FAM120A: variants seen among roughly 807,000 people sequenced by gnomAD.
FAM120A encodes constitutive coactivator of PPAR-gamma-like protein 1.
FAM120A carries 15 observed loss-of-function variants against 109.7 expected under a neutral mutation model. That is an observed-to-expected ratio of 0.14 (90% CI 0.09 to 0.21). FAM120A has a LOEUF of 0.21. Among genes scored for constraint, FAM120A ranks in the 10% least tolerant of loss-of-function variants. The pLI, the probability that FAM120A is intolerant of heterozygous loss-of-function variation, is 1.00. For synonymous variants in FAM120A, 493 were observed against 572.8 expected, an observed-to-expected ratio of 0.86 and a Z score of 1.99; for missense variants, 899 against 1,439.3, an observed-to-expected ratio of 0.62 and a Z score of 6.07.
At chr9:93,554,623 AG>A (rs1357876378) in intron 12 of FAM120A, among the ~76,000 whole-genome samples, 1 of 152,188 alleles carries the variant, frequency 6.6e-6, no homozygotes, top group Non-Finnish European at 1.5e-5. Context: ...CAGTGAGCCA[AG>A]ATTGCACCAT....
intron 10 of FAM120A, among the ~76,000 whole-genome samples, chr9:93,539,148 C>T (rs1024939439): frequency 6.6e-5 from 10 of 152,130 alleles, no homozygotes; most frequent in African/African-American, 2.4e-4. Context: ...CAGGCACCTG[C>T]CACCATGCCT....
intron 1 of FAM120A, chr9:93,453,163 G>T (rs936468654): frequency 1.6e-5 from 16 of 1,001,960 alleles, no homozygotes; most frequent in Non-Finnish European, 1.8e-5. Flanking sequence ...AAATCAGGGG[G>T]CGAACTACGC....
intron 13 of FAM120A, 116 bp from the exon 14 acceptor site, chr9:93,557,711 C>A: frequency 9.7e-7 from 1 of 1,030,736 alleles, no homozygotes; most frequent in Non-Finnish European, 1.4e-6. Context: ...ACATAGAATT[C>A]ATGAATAAAG....
intron 1 of FAM120A, among the ~76,000 whole-genome samples, chr9:93,457,284 G>A (rs915674224): frequency 3.3e-5 from 5 of 152,048 alleles, no homozygotes; most frequent in Non-Finnish European, 7.4e-5. Flanking sequence ...GGGTCATATG[G>A]TAATTCTGTT....
intron 5 of FAM120A, among the ~76,000 whole-genome samples, chr9:93,513,232 C>T (rs1015437959): frequency 1.5e-4 from 23 of 152,178 alleles, no homozygotes; most frequent in African/African-American, 4.1e-4. Context: ...AAAATAATAG[C>T]GACTTTGATC....
intron 10 of FAM120A, among the ~76,000 whole-genome samples, chr9:93,534,624 CTCTTCTCCTTCTTTTTA>C (rs1861448061): frequency 6.6e-6 from 1 of 152,120 alleles, no homozygotes; most frequent in African/African-American, 2.4e-5. Context: ...CCCTCCTCTC[CTCTTCTCCTTCTTTTTA>C]AGGATGGGAG....
At chr9:93,475,927 TGAATC>T (rs1379084592) in intron 2 of FAM120A, among the ~76,000 whole-genome samples, 7 of 152,260 alleles carry the variant, frequency 4.6e-5, no homozygotes, top group Admixed American at 4.6e-4. Flanking sequence ...AATGAAAACT[TGAATC>T]TAATTGGTAT....
chr9:93,554,120 TACACACACACACACACACAC>T (rs10672125), intron 12 of FAM120A, among the ~76,000 whole-genome samples: 996 of 87,458 alleles, frequency 0.011, 23 homozygotes, highest in African/African-American at 0.034. Flanking sequence ...GGCCATTTGA[TACACACACACACACACACAC>T]ACACACACAC....
At position 93,497,550 on chromosome 9, in the gene FAM120A, A is replaced by G. The variant is rs376215146; in HGVS notation, c.884A>G (p.Asp295Gly). Reference sequence around the variant, plus strand: ...GCTGACTATGTACGCAACATTCAGGACACCTCTGACTTGGATGCCATAGCT... The same window carrying G: ...GCTGACTATGTACGCAACATTCAGGGCACCTCTGACTTGGATGCCATAGCT... Reference protein sequence around the residue: ...AVADYVRNIQDTSDLDAIAKD... With the variant: ...AVADYVRNIQGTSDLDAIAKD... Residue 295 changes from aspartate (D) to glycine (G), a missense_variant, in exon 4 of 18, where the codon GAC becomes GGC. By Grantham distance (94) the Asp-to-Gly change is moderately conservative (BLOSUM62 -1). Coordinates refer to ENST00000277165, the MANE Select transcript of FAM120A (RefSeq NM_014612.5). 5.6e-5 allele frequency: 91 copies of G among 1,613,178 alleles called. No homozygotes were observed. Among genetic ancestry groups the G allele is most frequent in the Non-Finnish European group, 7.0e-5 (83 of 1,179,694 alleles).
chr9:93,523,313 G>A, intron 7 of FAM120A: 1 of 1,289,166 alleles, frequency 7.8e-7, no homozygotes, highest in Non-Finnish European at 1.0e-6. Context: ...AAAACTTTGT[G>A]TTTCACAAAG....
At position 93,565,572 on chromosome 9, in the gene FAM120A, C is replaced by T. The variant is rs933885819; in HGVS notation, c.*1032C>T. The T allele has an allele frequency of 2.0e-5, 3 of 152,204 alleles. No individual in the cohort carries two copies. The highest frequency in any genetic ancestry group is 7.3e-5 in the African/African-American group (3 of 41,358). 9.4% of individuals were successfully genotyped at this position (152,204 alleles called of 1,614,324 possible). ...CTAAAGCCCCCCAAAAATTATCTAG[C>T]CGTTTCGAATATCAACATTACCCTG... On this transcript the variant is annotated 3_prime_UTR_variant, in exon 18 of 18. Coordinates refer to ENST00000277165, the MANE Select transcript of FAM120A (RefSeq NM_014612.5).
At chr9:93,519,265 G>A (rs1001888181) in intron 7 of FAM120A, among the ~76,000 whole-genome samples, 13 of 152,082 alleles carry the variant, frequency 8.5e-5, no homozygotes, top group Non-Finnish European at 1.5e-4. Flanking sequence ...TTTTGAGATG[G>A]AATTTTACTC....
intron 3 of FAM120A, among the ~76,000 whole-genome samples, chr9:93,491,551 A>G (rs1025770088): frequency 2.0e-5 from 3 of 152,242 alleles, no homozygotes; most frequent in African/African-American, 7.2e-5. Flanking sequence ...CCACCCAAAC[A>G]GTATCTATTT....
At chr9:93,559,431 G>A (rs1862400266) in intron 15 of FAM120A, among the ~76,000 whole-genome samples, 1 of 152,228 alleles carries the variant, frequency 6.6e-6, no homozygotes, top group South Asian at 2.1e-4. Context: ...GGATGGGCAA[G>A]CCTTTCTCTC....
intron 16 of FAM120A, among the ~76,000 whole-genome samples, chr9:93,561,481 A>C (rs1481941032): frequency 1.3e-5 from 2 of 152,042 alleles, no homozygotes; most frequent in Non-Finnish European, 2.9e-5. Flanking sequence ...TGTAGCCTTG[A>C]CTTTCTGGGC....
intron 1 of FAM120A, chr9:93,453,386 GT>G (rs746858442): frequency 6.2e-4 from 612 of 985,334 alleles, no homozygotes; most frequent in Non-Finnish European, 7.0e-4. Flanking sequence ...TGGACTTCAC[GT>G]TCTGATTGCT....
chr9:93,487,528 T>G (rs900635258), intron 3 of FAM120A, among the ~76,000 whole-genome samples: 2 of 152,212 alleles, frequency 1.3e-5, no homozygotes, highest in Non-Finnish European at 2.9e-5. Flanking sequence ...TCTAAAAATA[T>G]ACTATTAATC....
chr9:93,493,916 C>G (rs754935098), intron 3 of FAM120A, among the ~76,000 whole-genome samples: 3 of 152,232 alleles, frequency 2.0e-5, no homozygotes, highest in Admixed American at 2.0e-4. Flanking sequence ...AGCCATCCAG[C>G]CTTCCTGGGC....
chr9:93,509,191 C>G (rs761422927), intron 5 of FAM120A, among the ~76,000 whole-genome samples: 11 of 152,234 alleles, frequency 7.2e-5, no homozygotes, highest in Non-Finnish European at 1.6e-4. Context: ...ACATGGTGGC[C>G]CACACTGCCC....
Sources: gnomAD v4.1 joint callset for allele counts (sites outside exome capture counted in the v4.1 genomes callset) on GRCh38, gnomAD v4.1.1 for gene constraint, MANE v1.5 for transcripts, NCBI Gene and HGNC (gene_info 2026-07-23, HGNC 2026-07-21) for gene names.